Variants in NCOA2 observed in about 807,000 individuals in gnomAD.
NCOA2 encodes the protein nuclear receptor coactivator 2.
Under a neutral mutation model 145.1 loss-of-function variants are expected in NCOA2, and 21 were observed. The observed-to-expected ratio is 0.14, with a 90% CI of 0.10 to 0.21. The LOEUF is 0.21. Ranked by LOEUF, NCOA2 falls within the 10% of genes least tolerant of loss-of-function variation. NCOA2 has a pLI of 1.00. For missense variants in NCOA2, 1,472 were observed against 1,837.6 expected (o/e 0.80, Z 3.64); for synonymous variants, 619 against 637.5 (o/e 0.97, Z 0.44).
intron 11 of NCOA2, 105 bp from the exon 12 acceptor site, chr8:70,148,588 T>C: frequency 2.1e-6 from 2 of 945,072 alleles, no homozygotes; most frequent in Non-Finnish European, 3.2e-6. Context: ...CACAGCCAAA[T>C]AAAATAGGTA....
chr8:70,266,136 T>A (rs1323199681), intron 2 of NCOA2, among the ~76,000 whole-genome samples: 1 of 152,180 alleles, frequency 6.6e-6, no homozygotes, highest in East Asian at 1.9e-4. Flanking sequence ...GGTGACAGAG[T>A]GAGACTCCGT....
intron 1 of NCOA2, among the ~76,000 whole-genome samples, chr8:70,402,802 C>T (rs1396103951): frequency 6.6e-6 from 1 of 151,252 alleles, no homozygotes; most frequent in Non-Finnish European, 1.5e-5. Context: ...CCCAGCGCGC[C>T]TCCTGCATAC....
chr8:70,151,026 T>C (rs1811681768), intron 11 of NCOA2, among the ~76,000 whole-genome samples: 1 of 152,182 alleles, frequency 6.6e-6, no homozygotes. Context: ...ACTACAATGT[T>C]GTCCTGTGTT....
At chr8:70,431,270 G>T in the NCOA2 span, among the ~76,000 whole-genome samples, 90 of 151,838 alleles carry the variant, frequency 5.9e-4, no homozygotes, top group Admixed American at 1.2e-3. Flanking sequence ...TTATTCTATT[G>T]AACTTGGAGG....
chr8:70,309,355 A>G (rs774308896), intron 1 of NCOA2, among the ~76,000 whole-genome samples: 4 of 151,976 alleles, frequency 2.6e-5, no homozygotes, highest in African/African-American at 9.7e-5. Context: ...TTTCATAAAT[A>G]GTAATAAGGA....
intron 22 of NCOA2, among the ~76,000 whole-genome samples, chr8:70,115,349 A>T (rs1038163709): frequency 6.6e-6 from 1 of 152,144 alleles, no homozygotes; most frequent in Non-Finnish European, 1.5e-5. Flanking sequence ...GCATGGACTA[A>T]CATCAATGAG....
intron 2 of NCOA2, among the ~76,000 whole-genome samples, chr8:70,258,433 A>T (rs548076421): frequency 3.9e-5 from 6 of 152,014 alleles, no homozygotes; most frequent in South Asian, 2.1e-4. Flanking sequence ...TGAACTCCTC[A>T]CCTTTCTGAG....
intron 2 of NCOA2, among the ~76,000 whole-genome samples, chr8:70,284,325 G>A (rs1826090549): frequency 1.3e-5 from 2 of 152,138 alleles, no homozygotes; most frequent in South Asian, 4.1e-4. Flanking sequence ...CCTCTAAAAG[G>A]AGGCCTGACA....
intron 1 of NCOA2, among the ~76,000 whole-genome samples, chr8:70,345,259 T>C (rs947073436): frequency 4.7e-4 from 72 of 152,218 alleles, no homozygotes; most frequent in African/African-American, 1.6e-3. Context: ...AAACATATCA[T>C]GCAGGATTCA....
intron 2 of NCOA2, among the ~76,000 whole-genome samples, chr8:70,223,629 G>T (rs1820353942): frequency 6.6e-6 from 1 of 152,116 alleles, no homozygotes; most frequent in Non-Finnish European, 1.5e-5. Context: ...CATCATCCAT[G>T]GAGTGTTTCT....
At position 70,131,983 on chromosome 8, in the gene NCOA2, G is replaced by A. The variant is rs780581950; in HGVS notation, c.3178C>T (p.Pro1060Ser). ...SQNRQPFGSS[P>S]DDLLCPHPAA... ...GGATGTGGACATAGCAAGTCATCTG[G>A]AGAACTGCCAAATGGCTGCCTGTAA... The change falls in exon 16 of 23, where the codon CCA becomes TCA. Residue 1060 changes from proline (P) to serine (S), a missense_variant. Around this residue, in one of 4 missense-constraint regions of NCOA2, gnomAD observed 953 missense variants for 1,062.1 expected, o/e 0.90. Transcript: ENST00000452400. The A allele has an allele frequency of 6.8e-6, 11 of 1,612,406 alleles. No individual in the cohort carries two copies. The highest frequency in any genetic ancestry group is 3.3e-5 in the South Asian group (3 of 90,522).
chr8:70,410,316 A>G, the NCOA2 span, among the ~76,000 whole-genome samples: 3 of 152,278 alleles, frequency 2.0e-5, no homozygotes, highest in Non-Finnish European at 4.4e-5. Context: ...GAAAACAGAA[A>G]CTTCCTCATG....
intron 18 of NCOA2, 88 bp downstream of exon 18, chr8:70,128,345 T>A (rs1396467918): frequency 8.9e-7 from 1 of 1,123,760 alleles, no homozygotes; most frequent in Non-Finnish European, 1.3e-6. Flanking sequence ...GATCCACGTC[T>A]ACTAAGTTAA....
chr8:70,155,383 TAAG>T (rs1812166910), intron 11 of NCOA2, among the ~76,000 whole-genome samples: 1 of 152,178 alleles, frequency 6.6e-6, no homozygotes, highest in African/African-American at 2.4e-5. Context: ...GAAAGGTAAA[TAAG>T]AAATAATTCA....
At chr8:70,235,378 T>C (rs1821504121) in intron 2 of NCOA2, among the ~76,000 whole-genome samples, 1 of 152,178 alleles carries the variant, frequency 6.6e-6, no homozygotes, top group Non-Finnish European at 1.5e-5. Flanking sequence ...CACAATACTG[T>C]TCATGTATTT....
At chr8:70,398,364 C>T (rs2131748543) in intron 1 of NCOA2, among the ~76,000 whole-genome samples, 1 of 152,244 alleles carries the variant, frequency 6.6e-6, no homozygotes, top group Non-Finnish European at 1.5e-5. Flanking sequence ...GAGGCTGGGT[C>T]AGGAGGATCA....
At chr8:70,400,446 TACC>T (rs1381859973) in intron 1 of NCOA2, among the ~76,000 whole-genome samples, 1 of 152,158 alleles carries the variant, frequency 6.6e-6, no homozygotes, top group Non-Finnish European at 1.5e-5. Context: ...CCAAGAATCT[TACC>T]ACATTTTCAA....
the NCOA2 span, among the ~76,000 whole-genome samples, chr8:70,442,116 G>GAAGAAAGAAAGAAAGAAGAAAGAAAGA: frequency 4.9e-5 from 4 of 82,450 alleles, no homozygotes; most frequent in Middle Eastern, 6.7e-3. Flanking sequence ...GAGAAAGAAA[G>GAAGAAAGAAAGAAAGAAGAAAGAAAGA]AAGAAAGAAA....
the NCOA2 span, among the ~76,000 whole-genome samples, chr8:70,420,032 T>A: frequency 6.6e-6 from 1 of 152,212 alleles, no homozygotes; most frequent in African/African-American, 2.4e-5. Context: ...CTGGAGTATT[T>A]TTCTCCTGCT....
Sources: allele counts gnomAD v4.1 joint callset (sites outside exome capture counted in the v4.1 genomes callset), GRCh38; gene constraint gnomAD v4.1.1; regional missense constraint gnomAD v4.1.1; transcripts MANE v1.5; gene names NCBI Gene and HGNC (gene_info 2026-07-23, HGNC 2026-07-21).